NELL1: variants seen among roughly 807,000 people sequenced by gnomAD.
NELL1 encodes the protein neural EGFL like 1, also known as protein kinase C-binding protein NELL1.
A neutral mutation model predicts 107.4 loss-of-function variants in NELL1; 76 were observed. The observed-to-expected ratio is 0.71, with a 90% CI of 0.59 to 0.86. The LOEUF is 0.86. NELL1 is among the 40% of genes least tolerant of loss of function. The pLI, the probability that NELL1 is intolerant of heterozygous loss-of-function variation, is 0.00. For missense variants in NELL1, 1,024 were observed against 1,005.5 expected (o/e 1.02, Z -0.25); for synonymous variants, 353 against 341.2 (o/e 1.03, Z -0.38).
chr11:21,201,256 T>C (rs368943227), intron 13 of NELL1, among the ~76,000 whole-genome samples: 2 of 152,196 alleles, frequency 1.3e-5, no homozygotes, highest in East Asian at 3.8e-4. Context: ...AGTTTTCCCA[T>C]TCATGACCAT....
chr11:20,749,698 T>C (rs992532884), intron 2 of NELL1, among the ~76,000 whole-genome samples: 4 of 152,186 alleles, frequency 2.6e-5, no homozygotes, highest in African/African-American at 7.2e-5. Flanking sequence ...TATAATTTTA[T>C]ACACCCATAA....
At chr11:20,715,303 G>GT (rs71748513) in intron 2 of NELL1, among the ~76,000 whole-genome samples, 16 of 145,160 alleles carry the variant, frequency 1.1e-4, no homozygotes, top group African/African-American at 3.3e-4. Flanking sequence ...CTGGGTTTTT[G>GT]TTTTTTTTTT....
intron 12 of NELL1, among the ~76,000 whole-genome samples, chr11:20,972,160 C>T (rs1020504654): frequency 6.6e-5 from 10 of 151,918 alleles, no homozygotes; most frequent in African/African-American, 4.8e-5. Context: ...AACCAACCTG[C>T]ACGACCTGTA....
chr11:21,471,779 C>G (rs868337101), intron 15 of NELL1, among the ~76,000 whole-genome samples: 7 of 152,030 alleles, frequency 4.6e-5, no homozygotes, highest in Non-Finnish European at 1.0e-4. Context: ...AGTTCATGCT[C>G]TTTATCAATT....
intron 2 of NELL1, among the ~76,000 whole-genome samples, chr11:20,744,000 A>G (rs1855947850): frequency 6.6e-6 from 1 of 152,104 alleles, no homozygotes; most frequent in African/African-American, 2.4e-5. Context: ...ATTCTTGAAC[A>G]CTGTTATGTT....
chr11:21,374,887 CTGTGTGTGTGTGTGTGTG>C (rs10566953), intron 15 of NELL1, among the ~76,000 whole-genome samples: 54 of 143,848 alleles, frequency 3.8e-4, no homozygotes, highest in African/African-American at 1.1e-3. Context: ...CTGTGTGTGT[CTGTGTGTGTGTGTGTGTG>C]TGTGTGTGTG....
At position 20,885,094 on chromosome 11, in the gene NELL1, A is replaced by C. The variant is rs186464019; in HGVS notation, c.507-350A>C. Among the ~76,000 whole-genome samples, 949 of 152,312 alleles carry C rather than the reference A, an allele frequency of 6.2e-3. 5 individuals are homozygous for C. Among genetic ancestry groups the C allele is most frequent in the Non-Finnish European group, 0.01 (684 of 68,026 alleles). On this transcript the variant is annotated intron_variant, in intron 4 of 19. Coordinates refer to ENST00000357134, the MANE Select transcript of NELL1 (RefSeq NM_006157.5). The stretch of plus-strand genomic sequence containing the variant: ...AACTCTACTACTCACTGCTGTCTTC[A>C]CTTGGTTAACTCATTTATGATTCCT...
chr11:21,375,883 G>GCCAGTTTT (rs1372394695), intron 15 of NELL1, among the ~76,000 whole-genome samples: 1 of 76,466 alleles, frequency 1.3e-5, no homozygotes, highest in East Asian at 3.8e-4. Context: ...CATGTCTCTT[G>GCCAGTTTT]TCAATGGAGT....
chr11:21,574,758 A>C lies in NELL1; in HGVS notation c.2383-214A>C, dbSNP rs74539865. Among the ~76,000 whole-genome samples, 3 of 151,842 alleles carry C rather than the reference A, an allele frequency of 2.0e-5. No individual in the cohort carries two copies. In the East Asian group the frequency reaches 5.9e-4, roughly 30 times the overall value. On this transcript the variant is annotated intron_variant, in intron 19 of 19. Coordinates refer to ENST00000357134, the MANE Select transcript of NELL1 (RefSeq NM_006157.5). The stretch of plus-strand genomic sequence containing the variant: ...TGTGTGAAATTGAACTGCTAGCAGA[A>C]TCCCAGTGAGCAGTACCCTGGAGGG...
At chr11:21,261,409 G>C (rs1848528624) in intron 14 of NELL1, among the ~76,000 whole-genome samples, 1 of 151,452 alleles carries the variant, frequency 6.6e-6, no homozygotes, top group South Asian at 2.1e-4. Context: ...TGTTGCTTTA[G>C]TTTTATTTCT....
chr11:21,308,959 A>G (rs756193525), intron 14 of NELL1, among the ~76,000 whole-genome samples: 57 of 151,974 alleles, frequency 3.8e-4, no homozygotes, highest in South Asian at 1.0e-3. Flanking sequence ...AAAAAAAGCA[A>G]AGTTCCTGGG....
At chr11:21,482,332 T>C (rs921327840) in intron 15 of NELL1, among the ~76,000 whole-genome samples, 2 of 152,128 alleles carry the variant, frequency 1.3e-5, no homozygotes, top group African/African-American at 4.8e-5. Flanking sequence ...TCTGATTAGT[T>C]GTTCTTAAGT....
intron 3 of NELL1, among the ~76,000 whole-genome samples, chr11:20,790,577 C>T (rs529050210): frequency 4.6e-5 from 7 of 152,292 alleles, no homozygotes; most frequent in Admixed American, 1.3e-4. Flanking sequence ...CTCTTGCCTG[C>T]TTGGTGAAAC....
At chr11:21,099,452 T>C (rs1854749180) in intron 12 of NELL1, among the ~76,000 whole-genome samples, 1 of 152,080 alleles carries the variant, frequency 6.6e-6, no homozygotes, top group South Asian at 2.1e-4. Context: ...GCTCGGTGGA[T>C]GAGTCAGGGT....
chr11:20,971,247 TTAA>T (rs1306622485), intron 12 of NELL1, among the ~76,000 whole-genome samples: 1 of 152,172 alleles, frequency 6.6e-6, no homozygotes, highest in Non-Finnish European at 1.5e-5. Context: ...TTTGGCTCAC[TTAA>T]TAATATTTTA....
chr11:21,246,892 TTA>T, intron 14 of NELL1, among the ~76,000 whole-genome samples: 1 of 152,268 alleles, frequency 6.6e-6, no homozygotes, highest in African/African-American at 2.4e-5. Context: ...CTTGCGAGAT[TTA>T]TTCACTATCA....
At chr11:20,982,149 A>G (rs1851763305) in intron 12 of NELL1, among the ~76,000 whole-genome samples, 1 of 152,128 alleles carries the variant, frequency 6.6e-6, no homozygotes. Context: ...GCCCCAAACA[A>G]CTCAGGTATC....
chr11:21,438,837 A>G (rs1411280212), intron 15 of NELL1, among the ~76,000 whole-genome samples: 1 of 151,798 alleles, frequency 6.6e-6, no homozygotes, highest in Non-Finnish European at 1.5e-5. Context: ...TGAGGAAGTT[A>G]TGACTGGTTG....
intron 13 of NELL1, among the ~76,000 whole-genome samples, chr11:21,160,665 A>G (rs1393864455): frequency 6.6e-6 from 1 of 152,164 alleles, no homozygotes; most frequent in African/African-American, 2.4e-5. Context: ...CATAAAAAAT[A>G]ATTTATTTTT....
Sources: allele counts gnomAD v4.1 joint callset (sites outside exome capture counted in the v4.1 genomes callset), GRCh38; gene constraint gnomAD v4.1.1; transcripts MANE v1.5; gene names NCBI Gene and HGNC (gene_info 2026-07-23, HGNC 2026-07-21).